GATAD2A: variants seen among roughly 807,000 people sequenced by gnomAD.
The protein encoded by GATAD2A is GATA zinc finger domain containing 2A.
In GATAD2A, 12 loss-of-function variants were observed where a neutral mutation model predicts 68.5. The ratio of observed to expected loss-of-function variants is 0.18; its 90% CI spans 0.11 to 0.28. GATAD2A has a LOEUF of 0.28. Ranked by LOEUF, GATAD2A falls within the 10% of genes least tolerant of loss-of-function variation. GATAD2A has a pLI of 1.00. For missense variants in GATAD2A, 755 were observed against 868.5 expected (o/e 0.87, Z 1.64); for synonymous variants, 410 against 375.3 (o/e 1.09, Z -1.07).
At chr19:19,417,588 C>T (rs545927779) in intron 1 of GATAD2A, among the ~76,000 whole-genome samples, 1 of 152,166 alleles carries the variant, frequency 6.6e-6, no homozygotes, top group Admixed American at 6.5e-5. Context: ...GAACTAAGGG[C>T]GAAAGCACAG....
chr19:19,412,132 T>C (rs1196879636), intron 1 of GATAD2A, among the ~76,000 whole-genome samples: 1 of 151,190 alleles, frequency 6.6e-6, no homozygotes, highest in African/African-American at 2.4e-5. Flanking sequence ...TTTTTCTCTC[T>C]CTTTTTTTTT....
intron 1 of GATAD2A, among the ~76,000 whole-genome samples, chr19:19,462,800 G>T (rs2147983874): frequency 6.6e-6 from 1 of 152,324 alleles, no homozygotes; most frequent in East Asian, 1.9e-4. Context: ...CCCCTGATCT[G>T]GCTGTCAGTT....
intron 4 of GATAD2A, among the ~76,000 whole-genome samples, chr19:19,493,406 C>T (rs568305895): frequency 3.3e-5 from 5 of 152,346 alleles, no homozygotes; most frequent in Non-Finnish European, 7.3e-5. Context: ...GCGTCTCAGT[C>T]CCCTCCCAGC....
intron 1 of GATAD2A, chr19:19,429,137 G>GT: frequency 1.0e-6 from 1 of 954,332 alleles, no homozygotes; most frequent in Non-Finnish European, 1.2e-6. Context: ...GTTAGATGAG[G>GT]TGATGCGCAA....
rs1218331910 is a variant in GATAD2A at position 19,507,825 on chromosome 19, C to T, written c.*2351C>T. Reference sequence around the variant, plus strand: ...TTTCCTTCATTTCTGCTGTCTCGAACACTCTAGCCCATTATTTCCTTTCAG... The same window carrying T: ...TTTCCTTCATTTCTGCTGTCTCGAATACTCTAGCCCATTATTTCCTTTCAG... On this transcript the variant is annotated 3_prime_UTR_variant, in exon 12 of 12. Transcript: ENST00000683918. 6.6e-6 allele frequency: 1 copy of T among 152,162 alleles called. No homozygotes were observed. The highest frequency in any genetic ancestry group is 2.4e-5 in the African/African-American group (1 of 41,430). The allele number at this position is 152,162 out of a possible 1,614,324, so 9.4% of individuals were successfully genotyped here.
intron 2 of GATAD2A, among the ~76,000 whole-genome samples, chr19:19,470,479 G>T (rs1406020888): frequency 1.3e-5 from 2 of 152,144 alleles, no homozygotes; most frequent in Admixed American, 1.3e-4. Flanking sequence ...AGTCAGCAGA[G>T]CCCCCAAATA....
In GATAD2A at chr19:19,405,842, C is replaced by A. The variant is rs2050159810; in HGVS notation, c.-184C>A. On this transcript the variant is annotated 5_prime_UTR_variant, in exon 1 of 12. Coordinates refer to ENST00000683918, the MANE Select transcript of GATAD2A (RefSeq NM_001384528.1). ...GGGGCGCATTATCTGGCCGGCGGCG[C>A]GGGCGGGCGGGCGGACCGGCGCAGC... 2 of 146,950 alleles carry A rather than the reference C, an allele frequency of 1.4e-5. No individual in the cohort carries two copies. The highest frequency in any genetic ancestry group is 4.9e-5 in the African/African-American group (2 of 40,856). The allele number at this position is 146,950 out of a possible 1,614,324, so 9.1% of individuals were successfully genotyped here.
chr19:19,461,995 G>A (rs1327751477), intron 1 of GATAD2A, among the ~76,000 whole-genome samples: 2 of 152,172 alleles, frequency 1.3e-5, no homozygotes, highest in Non-Finnish European at 2.9e-5. Context: ...TGGAACTTCC[G>A]CCACCGGAGC....
At chr19:19,495,991 C>T (rs1025593958) in intron 6 of GATAD2A, 61 bp from the exon 7 acceptor site, 12 of 1,586,170 alleles carry the variant, frequency 7.6e-6, no homozygotes, top group Middle Eastern at 1.7e-4. Context: ...CTGTGCCTTC[C>T]GGTCCCGCTC....
intron 1 of GATAD2A, among the ~76,000 whole-genome samples, chr19:19,438,665 G>C (rs1345266667): frequency 6.6e-6 from 1 of 152,212 alleles, no homozygotes; most frequent in Non-Finnish European, 1.5e-5. Flanking sequence ...CAGCCAGCAG[G>C]GAAGACCCAG....
chr19:19,432,627 T>A (rs1211012453), intron 1 of GATAD2A, among the ~76,000 whole-genome samples: 2 of 152,364 alleles, frequency 1.3e-5, no homozygotes, highest in African/African-American at 4.8e-5. Flanking sequence ...AAGGTCGTTT[T>A]CAATTCGGGA....
chr19:19,502,059 G>A lies in GATAD2A; in HGVS notation c.1578+16G>A. The A allele has an allele frequency of 6.2e-7, 1 of 1,602,276 alleles. No individual in the cohort carries two copies. The highest frequency in any genetic ancestry group is 1.1e-5 in the South Asian group (1 of 90,804). On this transcript the variant is annotated intron_variant, in intron 10 of 11. Coordinates refer to ENST00000683918, the MANE Select transcript of GATAD2A (RefSeq NM_001384528.1). ...TGTGCTACAGGTCAGAACCGCACTG[G>A]GCGCCGGGAGCCTCGCGCCCCCACC...
intron 2 of GATAD2A, among the ~76,000 whole-genome samples, chr19:19,480,057 T>A (rs1465322117): frequency 6.6e-6 from 1 of 151,988 alleles, no homozygotes; most frequent in African/African-American, 2.4e-5. Context: ...TCCACCCGCC[T>A]CGGCTCCCAA....
intron 1 of GATAD2A, among the ~76,000 whole-genome samples, chr19:19,390,533 G>A (rs1352724554): frequency 6.6e-6 from 1 of 152,202 alleles, no homozygotes; most frequent in Non-Finnish European, 1.5e-5. Context: ...GATACCAGAT[G>A]TGAGATGGGT....
chr19:19,457,159 C>G (rs1408590359), intron 1 of GATAD2A: 3 of 985,292 alleles, frequency 3.0e-6, no homozygotes, highest in East Asian at 2.3e-4. Flanking sequence ...GACTGACACT[C>G]TTGCAGAAGT....
intron 1 of GATAD2A, among the ~76,000 whole-genome samples, chr19:19,422,285 A>G (rs1033674437): frequency 6.6e-6 from 1 of 152,210 alleles, no homozygotes; most frequent in African/African-American, 2.4e-5. Context: ...TTCCCACCGC[A>G]GGAGGCAGGC....
At chr19:19,431,423 C>T (rs570931543) in intron 1 of GATAD2A, among the ~76,000 whole-genome samples, 42 of 151,316 alleles carry the variant, frequency 2.8e-4, no homozygotes, top group East Asian at 1.6e-3. Context: ...CGGCTGGGCG[C>T]GGTGGCTCAC....
At chr19:19,469,704 T>C (rs918194929) in intron 2 of GATAD2A, among the ~76,000 whole-genome samples, 1 of 152,182 alleles carries the variant, frequency 6.6e-6, no homozygotes, top group Non-Finnish European at 1.5e-5. Flanking sequence ...GCCAGCACTT[T>C]GGGAGGCCAA....
At chr19:19,465,102 C>T (rs2057763529) in intron 1 of GATAD2A, 4 of 583,386 alleles carry the variant, frequency 6.9e-6, no homozygotes, top group Non-Finnish European at 9.2e-6. Flanking sequence ...TGTAGTTTGG[C>T]TCCACCAATG....
Sources: allele counts gnomAD v4.1 joint callset (sites outside exome capture counted in the v4.1 genomes callset), GRCh38; gene constraint gnomAD v4.1.1; transcripts MANE v1.5; gene names NCBI Gene and HGNC (gene_info 2026-07-23, HGNC 2026-07-21).